Variants in DLL3 observed in about 807,000 individuals in gnomAD.
DLL3 encodes delta-like protein 3.
A neutral mutation model predicts 55.0 loss-of-function variants in DLL3; 49 were observed. The observed-to-expected ratio is 0.89, with a 90% CI of 0.71 to 1.13. The LOEUF is 1.13. DLL3 is among the 50% of genes most tolerant of loss of function. DLL3 has a pLI of 0.00. For missense variants in DLL3, 962 were observed against 875.5 expected, an observed-to-expected ratio of 1.10 and a Z score of -1.25; for synonymous variants, 421 against 385.2, an observed-to-expected ratio of 1.09 and a Z score of -1.09.
At chr19:39,508,043 C>T (rs1362347922) in intron 8 of DLL3, 129 bp downstream of exon 8, 2 of 1,604,712 alleles carry the variant, frequency 1.2e-6, no homozygotes, top group Non-Finnish European at 1.7e-6. Context: ...AGGTTTTAAG[C>T]CCATTTTCAG....
In DLL3 at chr19:39,500,597, C is replaced by A. The variant is rs2304223; in HGVS notation, c.352-18C>A. 1.9e-6 allele frequency: 3 copies of A among 1,610,490 alleles called. No individual in the cohort carries two copies. The highest frequency in any genetic ancestry group is 2.5e-6 in the Non-Finnish European group (3 of 1,177,180). On this transcript the variant is annotated intron_variant, in intron 2 of 8. Transcript: ENST00000356433. Reference sequence around the variant, plus strand: ...ACTGTCTTTCATCTTTCATCTCCCCCTTCCTTCACCCAACCAGGGCACCTT... The same window carrying A: ...ACTGTCTTTCATCTTTCATCTCCCCATTCCTTCACCCAACCAGGGCACCTT...
chr19:39,507,693 G>C, intron 7 of DLL3, 75 bp downstream of exon 7: 3 of 1,588,174 alleles, frequency 1.9e-6, no homozygotes, highest in Non-Finnish European at 2.6e-6. Flanking sequence ...CAGTTGGCCC[G>C]ATTCCTTGAT....
Position 39,508,446 on chromosome 19 carries a change from C to T in DLL3, c.*189C>T, listed in dbSNP as rs1317003332. On this transcript the variant is annotated 3_prime_UTR_variant, in exon 9 of 9. Transcript: ENST00000356433. ...TCTCACCCCATCTCTCTAGAAACAC[C>T]TATAAAGGCTATTATTGTGATCAGT... is the stretch of plus-strand genomic sequence containing the variant. The T allele has an allele frequency of 1.5e-6, 1 of 662,704 alleles. No individual in the cohort carries two copies. The highest frequency in any genetic ancestry group is 2.6e-6 in the Non-Finnish European group (1 of 379,862). 41.1% of individuals were successfully genotyped at this position (662,704 alleles called of 1,614,324 possible).
chr19:39,506,961 T>C (rs2079644279), intron 6 of DLL3, 78 bp from the exon 7 acceptor site: 1 of 1,448,090 alleles, frequency 6.9e-7, no homozygotes, highest in Non-Finnish European at 9.3e-7. Flanking sequence ...CGTGCAGCGA[T>C]GACAGAGCTG....
rs747287917 is a variant in DLL3, at chr19:39,507,531, T to G, written c.1586T>G (p.Leu529Arg). 6.2e-7 allele frequency: 1 copy of G among 1,605,650 alleles called. No homozygotes were observed. Among genetic ancestry groups the G allele is most frequent in the Non-Finnish European group, 8.5e-7 (1 of 1,176,950 alleles). The stretch of plus-strand genomic sequence containing the variant: ...TCCCAGGATGCTGGGTCTCGCTTGC[T>G]GGCTGGGACCCCGGAGCCGTCAGTC... ...GHSQDAGSRL[L>R]AGTPEPSVHA... The change falls in exon 7 of 9, where the codon CTG (leucine) becomes CGG (arginine). Residue 529 changes from leucine (L) to arginine (R), a missense_variant. Coordinates refer to ENST00000356433, the MANE Select transcript of DLL3 (RefSeq NM_203486.3).
At chr19:39,504,614 G>A (rs1455389853) in intron 5 of DLL3, among the ~76,000 whole-genome samples, 1 of 152,144 alleles carries the variant, frequency 6.6e-6, no homozygotes, top group Non-Finnish European at 1.5e-5. Flanking sequence ...GGGCCAAATA[G>A]GTTGGAGATT....
chr19:39,503,763 A>G (rs764375880), intron 4 of DLL3, among the ~76,000 whole-genome samples: 16 of 151,834 alleles, frequency 1.1e-4, no homozygotes, highest in Non-Finnish European at 2.1e-4. Context: ...TATCCTCACG[A>G]TCTCACCTGG....
chr19:39,502,779 C>T, intron 3 of DLL3, 36 bp from the exon 4 acceptor site: 3 of 1,351,988 alleles, frequency 2.2e-6, no homozygotes, highest in Non-Finnish European at 2.8e-6. Context: ...TTCGGCCGGG[C>T]CCACCCCAGC....
intron 4 of DLL3, 77 bp downstream of exon 4, chr19:39,503,134 T>C: frequency 6.9e-7 from 1 of 1,443,650 alleles, no homozygotes. Flanking sequence ...CGGCCCCCAG[T>C]CCCCTCTCAC....
Position 39,507,109 on chromosome 19 carries a change from C to T in DLL3, c.1164C>T (p.Cys388=). Residue 388 remains cysteine (C), a synonymous_variant, in exon 7 of 9, where the codon TGC becomes TGT. Transcript: ENST00000356433. ...GCGCCGGCTTCGCGGGTCCTCGCTGCGAGCACGACCTGGACGACTGCGCGG... is the reference window on the plus strand; with the variant it reads ...GCGCCGGCTTCGCGGGTCCTCGCTGTGAGCACGACCTGGACGACTGCGCGG... ...RCRAGFAGPR[C]EHDLDDCAGR... 1.3e-6 allele frequency: 2 copies of T among 1,542,404 alleles called. No homozygotes were observed. The highest frequency in any genetic ancestry group is 8.7e-7 in the Non-Finnish European group (1 of 1,151,338).
At chr19:39,503,845 T>A (rs1033593664) in intron 4 of DLL3, among the ~76,000 whole-genome samples, 1 of 151,904 alleles carries the variant, frequency 6.6e-6, no homozygotes, top group African/African-American at 2.4e-5. Flanking sequence ...TCATCACTCC[T>A]CCACTTCCTA....
Position 39,507,620 on chromosome 19 carries a change from T to A in DLL3, c.1673+2T>A. ...GGAGGGTTCCGGGGATGGTCCGAGG[T>A]GAGGGGCTGCGCCACAGACGAACGC... On this transcript the variant is annotated splice_donor_variant, in intron 7 of 8. Coordinates refer to ENST00000356433, the MANE Select transcript of DLL3 (RefSeq NM_203486.3). LOFTEE classifies it high-confidence loss of function. 3.1e-6 allele frequency: 5 copies of A among 1,604,852 alleles called. No individual in the cohort carries two copies. The highest frequency in any genetic ancestry group is 3.4e-6 in the Non-Finnish European group (4 of 1,176,266).
At position 39,508,349 on chromosome 19, in the gene DLL3, A is replaced by C; in HGVS notation, c.*92A>C. The C allele has an allele frequency of 6.9e-7, 1 of 1,440,318 alleles. No homozygotes were observed. The allele number at this position is 1,440,318 out of a possible 1,614,324, so 89.2% of individuals were successfully genotyped here. A position where few individuals can be genotyped will look rare whatever the true frequency, so the allele number is the denominator to read the frequency against. ...CTCTGCCCCAGAGGCTTTGGAGTTC[A>C]ATCTTGAAGGGGTGTCTGGGGGAAC... On this transcript the variant is annotated 3_prime_UTR_variant, in exon 9 of 9. Coordinates refer to ENST00000356433, the MANE Select transcript of DLL3 (RefSeq NM_203486.3).
chr19:39,502,325 C>T (rs923897545), intron 3 of DLL3, among the ~76,000 whole-genome samples: 1 of 151,844 alleles, frequency 6.6e-6, no homozygotes, highest in African/African-American at 2.4e-5. Context: ...AGTGCGATGG[C>T]CGATCTCGGC....
chr19:39,503,827 G>C (rs2079624410), intron 4 of DLL3, among the ~76,000 whole-genome samples: 1 of 152,048 alleles, frequency 6.6e-6, no homozygotes, highest in African/African-American at 2.4e-5. Flanking sequence ...CGATGGCCTG[G>C]GTTCACATCA....
chr19:39,507,630 C>A lies in DLL3; in HGVS notation c.1673+12C>A. 1 of 1,601,148 alleles carries A rather than the reference C, an allele frequency of 6.2e-7. No homozygotes were observed. Among genetic ancestry groups the A allele is most frequent in the East Asian group, 2.3e-5 (1 of 44,120 alleles). The stretch of plus-strand genomic sequence containing the variant: ...GGGGATGGTCCGAGGTGAGGGGCTG[C>A]GCCACAGACGAACGCCTTGCGCTGC... On this transcript the variant is annotated intron_variant, in intron 7 of 8. Coordinates refer to ENST00000356433, the MANE Select transcript of DLL3 (RefSeq NM_203486.3).
Position 39,507,182 on chromosome 19 carries a change from C to T in DLL3, c.1237C>T (p.His413Tyr). The T allele has an allele frequency of 4.6e-6, 6 of 1,318,036 alleles. No homozygotes were observed. The highest frequency in any genetic ancestry group is 5.8e-6 in the Non-Finnish European group (6 of 1,043,076). The allele number at this position is 1,318,036 out of a possible 1,614,324, so 81.6% of individuals were successfully genotyped here. A position where few individuals can be genotyped will look rare whatever the true frequency, so the allele number is the denominator to read the frequency against. ...GGTCVEGGGA[H>Y]RCSCALGFGG... The stretch of plus-strand genomic sequence containing the variant: ...CACGTGTGTGGAGGGCGGCGGCGCG[C>T]ACCGCTGCTCCTGCGCGCTGGGCTT... The change falls in exon 7 of 9, where the codon CAC becomes TAC. Residue 413 changes from histidine (H) to tyrosine (Y), a missense_variant. Transcript: ENST00000356433.
rs2079628891 is a variant in DLL3, at chr19:39,504,351, C to A, written c.870+63C>A. On this transcript the variant is annotated intron_variant, in intron 5 of 8. Coordinates refer to ENST00000356433, the MANE Select transcript of DLL3 (RefSeq NM_203486.3). ...TTTACCCTGGGAGCCACAGCCCTCT[C>A]CCTGGGGCTCCATGAGACACCAGCC... The A allele has an allele frequency of 3.9e-6, 6 of 1,553,716 alleles. No homozygotes were observed. The East Asian group carries it at 1.3e-4, about 35-fold the overall frequency.
In DLL3 at chr19:39,507,025, T is replaced by TCC; in HGVS notation, c.1094-12_1094-11dup. 6.5e-7 allele frequency: 1 copy of TCC among 1,533,170 alleles called. No individual in the cohort carries two copies. Among genetic ancestry groups the TCC allele is most frequent in the Non-Finnish European group, 8.7e-7 (1 of 1,146,136 alleles). 95.0% of individuals were successfully genotyped at this position (1,533,170 alleles called of 1,614,324 possible). A position where few individuals can be genotyped will look rare whatever the true frequency, so the allele number is the denominator to read the frequency against. On this transcript the variant is annotated splice_polypyrimidine_tract_variant and intron_variant, in intron 6 of 8. Transcript: ENST00000356433. ...GCTCCCGGACTGCGCCCTCTGATGCTCCCTTCCCCACAGGCGGACTCTGCC... is the reference window on the plus strand; with the variant it reads ...GCTCCCGGACTGCGCCCTCTGATGCTCCCCCTTCCCCACAGGCGGACTCTGCC...
Sources: allele counts gnomAD v4.1 joint callset (sites outside exome capture counted in the v4.1 genomes callset), GRCh38; gene constraint gnomAD v4.1.1; transcripts MANE v1.5; gene names NCBI Gene and HGNC (gene_info 2026-07-23, HGNC 2026-07-21).